The following TGIF1 variants were observed in gnomAD, a reference collection of about 807,000 sequenced individuals.
TGIF1 encodes the protein homeobox protein TGIF1.
Under a neutral mutation model 19.3 loss-of-function variants are expected in TGIF1, and 4 were observed. That is an observed-to-expected ratio of 0.21 (90% confidence interval 0.10 to 0.47). The LOEUF (loss-of-function observed/expected upper bound fraction) is 0.47, where lower values mean the gene tolerates loss of function less well. Among genes scored for constraint, TGIF1 ranks in the 20% least tolerant of loss-of-function variants. The pLI is 0.98. For synonymous variants in TGIF1, 122 were observed against 129.3 expected (o/e 0.94, Z 0.38); for missense variants, 275 against 341.4 (o/e 0.81, Z 1.53).
chr18:3,459,392 G>A lies in TGIF1; in HGVS notation c.*1452G>A, dbSNP rs1250780456. ...AAACTGCTGATGATTACCAAGAGGCGTAAGAAAATTAGGTGAGGGAATGTT... is the reference window on the plus strand; with the variant it reads ...AAACTGCTGATGATTACCAAGAGGCATAAGAAAATTAGGTGAGGGAATGTT... On this transcript the variant is annotated 3_prime_UTR_variant, in exon 3 of 3. Coordinates refer to ENST00000343820, the MANE Select transcript of TGIF1 (RefSeq NM_003244.4). 1.3e-5 allele frequency: 2 copies of A among 152,178 alleles called. No homozygotes were observed. Among genetic ancestry groups the A allele is most frequent in the East Asian group, 1.9e-4 (1 of 5,198 alleles). The allele number at this position is 152,178 out of a possible 1,614,324, so 9.4% of individuals were successfully genotyped here. A position where few individuals can be genotyped will look rare whatever the true frequency, so the allele number is the denominator to read the frequency against.
intron 2 of TGIF1, among the ~76,000 whole-genome samples, chr18:3,422,838 C>A (rs1450813800): frequency 6.6e-6 from 1 of 151,724 alleles, no homozygotes; most frequent in Non-Finnish European, 1.5e-5. Flanking sequence ...CTACAGGCAC[C>A]CGCCACCACG....
chr18:3,422,351 C>T (rs1488831038), intron 2 of TGIF1, among the ~76,000 whole-genome samples: 1 of 134,136 alleles, frequency 7.5e-6, no homozygotes, highest in African/African-American at 2.7e-5. Context: ...AGAATATGGA[C>T]ATGAAGAACG....
chr18:3,441,606 C>G (rs1038272581), intron 2 of TGIF1, among the ~76,000 whole-genome samples: 13 of 152,274 alleles, frequency 8.5e-5, no homozygotes, highest in Non-Finnish European at 1.5e-4. Flanking sequence ...ACATACACAC[C>G]CTGCTTTGAG....
chr18:3,439,404 G>A (rs2082654918), intron 2 of TGIF1, among the ~76,000 whole-genome samples: 1 of 150,650 alleles, frequency 6.6e-6, no homozygotes. Context: ...TTGGAGTACA[G>A]TGGCAGATCT....
chr18:3,417,304 C>T (rs1483950656), intron 1 of TGIF1, among the ~76,000 whole-genome samples: 7 of 152,102 alleles, frequency 4.6e-5, no homozygotes, highest in Non-Finnish European at 1.0e-4. Context: ...GGACTACAGG[C>T]ATGAGCCACC....
At chr18:3,437,603 G>C (rs1183254406) in intron 2 of TGIF1, among the ~76,000 whole-genome samples, 2 of 152,136 alleles carry the variant, frequency 1.3e-5, no homozygotes, top group African/African-American at 4.8e-5. Flanking sequence ...AGCAATTTTC[G>C]TATGAAAAAC....
chr18:3,443,599 T>C (rs1291494100), intron 2 of TGIF1, among the ~76,000 whole-genome samples: 4 of 152,080 alleles, frequency 2.6e-5, no homozygotes, highest in African/African-American at 7.2e-5. Flanking sequence ...TTTTTTGAGA[T>C]GTAATTTCGT....
chr18:3,450,155 C>T (rs1335382257), upstream of TGIF1: 20 of 1,243,994 alleles, frequency 1.6e-5, no homozygotes, highest in South Asian at 1.8e-4. Context: ...CCTGTACCTT[C>T]CCTCCTCGCC....
intron 1 of TGIF1, among the ~76,000 whole-genome samples, chr18:3,454,503 A>T (rs1179145820): frequency 6.8e-6 from 1 of 147,580 alleles, no homozygotes; most frequent in African/African-American, 2.5e-5. Flanking sequence ...CACTTTTTTT[A>T]AAAGTTCGAT....
chr18:3,452,253 CG>C (rs747161834), intron 1 of TGIF1: 6 of 1,609,510 alleles, frequency 3.7e-6, no homozygotes, highest in Non-Finnish European at 5.1e-6. Flanking sequence ...CCCACAGCCG[CG>C]TGCCCTCTCC....
intron 2 of TGIF1, among the ~76,000 whole-genome samples, chr18:3,444,148 TG>T (rs1481199966): frequency 6.6e-6 from 1 of 151,964 alleles, no homozygotes; most frequent in Non-Finnish European, 1.5e-5. Context: ...TTTCACCATA[TG>T]GGCCAGGCTG....
chr18:3,451,297 TAC>T lies in TGIF1; in HGVS notation c.16+794_16+795del. 5 of 931,074 alleles carry T rather than the reference TAC, an allele frequency of 5.4e-6. No individual in the cohort carries two copies. Among genetic ancestry groups the T allele is most frequent in the Non-Finnish European group, 6.4e-6 (5 of 780,912 alleles). The allele number at this position is 931,074 out of a possible 1,614,324, so 57.7% of individuals were successfully genotyped here. A position where few individuals can be genotyped will look rare whatever the true frequency, so the allele number is the denominator to read the frequency against. On this transcript the variant is annotated intron_variant, in intron 1 of 2. Coordinates refer to ENST00000343820, the MANE Select transcript of TGIF1 (RefSeq NM_003244.4). The surrounding 1 kb of genome is among the most constrained non-coding windows in gnomAD (Gnocchi z 5.4). ...TTTCCACGAAGTGTTCTGGAAGCTT[TAC>T]AACTAAAACTTGCCGTCAGTTTGGT...
At chr18:3,427,037 G>A (rs1403015943) in intron 2 of TGIF1, among the ~76,000 whole-genome samples, 4 of 148,692 alleles carry the variant, frequency 2.7e-5, no homozygotes, top group East Asian at 2.0e-4. Flanking sequence ...TCCACCTCCC[G>A]GGTTCAAGCG....
At chr18:3,447,217 G>GT (rs1199701980), upstream of TGIF1, among the ~76,000 whole-genome samples, 1 of 151,908 alleles carries the variant, frequency 6.6e-6, no homozygotes, top group East Asian at 1.9e-4. Context: ...GGTGAAAAAC[G>GT]TTTATCAGTA....
chr18:3,427,600 T>C (rs1239088785), intron 2 of TGIF1, among the ~76,000 whole-genome samples: 3 of 147,578 alleles, frequency 2.0e-5, no homozygotes, highest in Non-Finnish European at 4.5e-5. Flanking sequence ...CCAGAATATA[T>C]TCTTTTTTTT....
chr18:3,421,691 C>T lies in TGIF1; in HGVS notation c.-45+3476C>T, dbSNP rs1340375260. On this transcript the variant is annotated intron_variant, in intron 2 of 3. Transcript: ENST00000401449. ...CCGCCTAAAGTGTTGGGATTACAGG[C>T]GTGAGCCACCGCGCCCATCTATACT... 2.0e-5 allele frequency among the ~76,000 whole-genome samples: 3 copies of T among 151,824 alleles called. No homozygotes were observed. The East Asian group carries it at 5.9e-4, about 30-fold the overall frequency.
At chr18:3,433,908 A>G (rs1398385510) in intron 2 of TGIF1, among the ~76,000 whole-genome samples, 2 of 152,216 alleles carry the variant, frequency 1.3e-5, no homozygotes, top group Middle Eastern at 6.3e-3. Context: ...ATTGTACCAC[A>G]TATACAAAAA....
At chr18:3,430,465 C>T (rs908418201) in intron 2 of TGIF1, among the ~76,000 whole-genome samples, 3 of 151,802 alleles carry the variant, frequency 2.0e-5, no homozygotes, top group East Asian at 1.9e-4. Context: ...TTAATAAATG[C>T]GTATTTTTAC....
At position 3,450,325 on chromosome 18, in the gene TGIF1, C is replaced by T. The variant is rs547683581; in HGVS notation, c.-165C>T. On this transcript the variant is annotated 5_prime_UTR_variant, in exon 1 of 3. Coordinates refer to ENST00000343820, the MANE Select transcript of TGIF1 (RefSeq NM_003244.4). ...TGTCACTTGAATTCCACCCAAGGAG[C>T]GGGCGCCTGGGATCAGAGCGTCCTG... is the stretch of plus-strand genomic sequence containing the variant. 81 of 1,455,622 alleles carry T rather than the reference C, an allele frequency of 5.6e-5. No individual in the cohort carries two copies. Among genetic ancestry groups the T allele is most frequent in the Admixed American group, 1.9e-4 (7 of 37,160 alleles). 90.2% of individuals were successfully genotyped at this position (1,455,622 alleles called of 1,614,324 possible). A position where few individuals can be genotyped will look rare whatever the true frequency, so the allele number is the denominator to read the frequency against.
Sources: gnomAD v4.1 joint callset for allele counts (sites outside exome capture counted in the v4.1 genomes callset) on GRCh38, gnomAD v4.1.1 for gene constraint, Gnocchi (gnomAD v3.1) non-coding constraint, MANE v1.5 for transcripts, NCBI Gene and HGNC (gene_info 2026-07-23, HGNC 2026-07-21) for gene names.